FANCM: variants seen among roughly 807,000 people sequenced by gnomAD.
FANCM encodes Fanconi anemia group M protein.
FANCM carries 140 observed loss-of-function variants against 199.5 expected under a neutral mutation model. That is an observed-to-expected ratio of 0.70 (90% CI 0.61 to 0.81). The LOEUF (loss-of-function observed/expected upper bound fraction) is 0.81, where lower values mean the gene tolerates loss of function less well. Among genes scored for constraint, FANCM ranks in the 30% least tolerant of loss-of-function variants. The pLI is 0.00. For synonymous variants in FANCM, 840 were observed against 836.8 expected (o/e 1.00, Z -0.07); for missense variants, 2,410 against 2,421.4 (o/e 1.00, Z 0.10).
intron 9 of FANCM, among the ~76,000 whole-genome samples, chr14:45,160,648 C>T (rs1887537052): frequency 6.7e-6 from 1 of 149,998 alleles, no homozygotes; most frequent in Non-Finnish European, 1.5e-5. Flanking sequence ...GGGTTCACGC[C>T]ATTCTCCTGT....
At chr14:45,156,392 G>A (rs1887192010) in intron 8 of FANCM, among the ~76,000 whole-genome samples, 1 of 152,098 alleles carries the variant, frequency 6.6e-6, no homozygotes, top group South Asian at 2.1e-4. Context: ...CCAAACAGAG[G>A]TATTTGTAGC....
At chr14:45,180,283 A>C (rs1359115327) in intron 14 of FANCM, among the ~76,000 whole-genome samples, 4 of 152,194 alleles carry the variant, frequency 2.6e-5, no homozygotes, top group Non-Finnish European at 4.4e-5. Context: ...GTAATAGTCA[A>C]GACATTGGCC....
At chr14:45,191,650 G>T (rs941196776) in intron 20 of FANCM, among the ~76,000 whole-genome samples, 1 of 152,134 alleles carries the variant, frequency 6.6e-6, no homozygotes, top group Admixed American at 6.6e-5. Flanking sequence ...AGTGGAAAAA[G>T]TTTTAAGTTT....
chr14:45,150,068 A>G (rs1331843662), intron 4 of FANCM, among the ~76,000 whole-genome samples: 1 of 152,240 alleles, frequency 6.6e-6, no homozygotes. Flanking sequence ...AATTAGTGTC[A>G]TGGTTGAACA....
In FANCM at chr14:45,136,106, C is replaced by T. The variant is rs1885469049; in HGVS notation, c.75C>T (p.Cys25=). Residue 25 remains cysteine, a synonymous_variant, in exon 1 of 23, where the codon TGC becomes TGT. Transcript: ENST00000267430. ...SISRSSGTPG[C]SSGTERPQSP... ...CCCGATCATCTGGGACTCCGGGTTG[C>T]AGCTCCGGAACTGAGCGACCTCAGA... is the stretch of plus-strand genomic sequence containing the variant. 6.2e-7 allele frequency: 1 copy of T among 1,614,082 alleles called. No individual in the cohort carries two copies. Among genetic ancestry groups the T allele is most frequent in the Admixed American group, 1.7e-5 (1 of 60,024 alleles).
chr14:45,154,753 A>G lies in FANCM; in HGVS notation c.1240A>G (p.Asn414Asp). ...GRNEDFMKLY[N>D]HLECMFARTR... ...AAATGAAGACTTCATGAAACTCTATAATCATCTAGAGTGTATGTTTGCACG... is the reference window on the plus strand; with the variant it reads ...AAATGAAGACTTCATGAAACTCTATGATCATCTAGAGTGTATGTTTGCACG... Residue 414 changes from asparagine to aspartate, a missense_variant, in exon 7 of 23, where the codon AAT becomes GAT. Physicochemically the swap from Asn to Asp is conservative, Grantham distance 23. Transcript: ENST00000267430. The G allele has an allele frequency of 1.9e-6, 3 of 1,603,434 alleles. No homozygotes were observed. Among genetic ancestry groups the G allele is most frequent in the African/African-American group, 1.3e-5 (1 of 74,902 alleles).
At chr14:45,170,337 G>T (rs1888256586) in intron 11 of FANCM, among the ~76,000 whole-genome samples, 1 of 152,086 alleles carries the variant, frequency 6.6e-6, no homozygotes, top group Non-Finnish European at 1.5e-5. Flanking sequence ...GACCAACCTG[G>T]GCAACATATC....
intron 20 of FANCM, among the ~76,000 whole-genome samples, chr14:45,189,872 G>A (rs949042884): frequency 4.0e-4 from 61 of 151,788 alleles, no homozygotes; most frequent in African/African-American, 1.4e-3. Context: ...GGAGGTTGAG[G>A]TAGGAGAATC....
chr14:45,163,435 C>G (rs978945553), intron 9 of FANCM, among the ~76,000 whole-genome samples: 2 of 152,196 alleles, frequency 1.3e-5, no homozygotes, highest in Admixed American at 1.3e-4. Context: ...TGTACACAAA[C>G]TCACAATGTT....
chr14:45,168,468 A>G (rs1488853908), intron 11 of FANCM, among the ~76,000 whole-genome samples: 2 of 151,598 alleles, frequency 1.3e-5, no homozygotes, highest in Non-Finnish European at 2.9e-5. Context: ...TTTAATAATT[A>G]TTTCTAAAAT....
At chr14:45,166,239 C>G (rs1016198404) in intron 10 of FANCM, among the ~76,000 whole-genome samples, 32 of 151,968 alleles carry the variant, frequency 2.1e-4, no homozygotes, top group African/African-American at 7.5e-4. Flanking sequence ...TCAAGCGATT[C>G]TCCTGTCTCA....
chr14:45,179,653 C>A (rs1415994424), intron 14 of FANCM, among the ~76,000 whole-genome samples: 1 of 151,364 alleles, frequency 6.6e-6, no homozygotes, highest in Non-Finnish European at 1.5e-5. Flanking sequence ...CCTCTGCCTC[C>A]CAGGTTCAAG....
At position 45,176,427 on chromosome 14, in the gene FANCM, A is replaced by C. The variant is rs751089780; in HGVS notation, c.3673A>C (p.Arg1225=). The C allele has an allele frequency of 2.5e-6, 4 of 1,613,100 alleles. No homozygotes were observed. Among genetic ancestry groups the C allele is most frequent in the Middle Eastern group, 3.3e-4 (2 of 6,060 alleles). ...KNHEDIFDCS[R]DLFSVTFDLG... is the part of the protein sequence containing the mutation. The stretch of plus-strand genomic sequence containing the variant: ...TCATGAGGATATTTTTGATTGCTCT[A>C]GGGATTTATTTTCTGTTACCTTTGA... The change falls in exon 14 of 23, where the codon AGG becomes CGG. Residue 1225 remains arginine (R), a synonymous_variant. Transcript: ENST00000267430.
rs1886815609 is a variant in FANCM at position 45,151,503 on chromosome 14, G to A, written c.1025G>A (p.Arg342Lys). ...ATAATTCTGGCAAGAGATCAGTTTA[G>A]GAAAAACCCATCTCCGAATATTGTG... ...YQIILARDQFRKNPSPNIVGI... is the reference protein window; with the variant it reads ...YQIILARDQFKKNPSPNIVGI... The change falls in exon 5 of 23, where the codon AGG (arginine) becomes AAG (lysine). Residue 342 changes from arginine (R) to lysine (K), a missense_variant. Arg to Lys is a conservative substitution (Grantham distance 26). Transcript: ENST00000267430. 1.2e-6 allele frequency: 2 copies of A among 1,612,798 alleles called. No individual in the cohort carries two copies. Among genetic ancestry groups the A allele is most frequent in the East Asian group, 2.2e-5 (1 of 44,834 alleles).
At chr14:45,138,215 G>A (rs1594752955) in intron 2 of FANCM, among the ~76,000 whole-genome samples, 1 of 152,146 alleles carries the variant, frequency 6.6e-6, no homozygotes. Flanking sequence ...ATAGATGGTA[G>A]TTAAAACTAT....
Position 45,140,261 on chromosome 14 carries a change from C to T in FANCM, c.682-371C>T, listed in dbSNP as rs149330203. Among the ~76,000 whole-genome samples the T allele has an allele frequency of 5.9e-5, 9 of 152,020 alleles. No individual in the cohort carries two copies. In the East Asian group the frequency reaches 1.4e-3, roughly 23 times the overall value. On this transcript the variant is annotated intron_variant, in intron 2 of 22. Coordinates refer to ENST00000267430, the MANE Select transcript of FANCM (RefSeq NM_020937.4). ...TTTCTTTTGTAGAGACCAGGTTTCACCATGTTGCCCAGGCTGGTCTTGAAC... is the reference window on the plus strand; with the variant it reads ...TTTCTTTTGTAGAGACCAGGTTTCATCATGTTGCCCAGGCTGGTCTTGAAC...
chr14:45,176,703 A>T lies in FANCM; in HGVS notation c.3949A>T (p.Asn1317Tyr). ...YVHLPLSAAK[N>Y]EELLSPGYSQ... is the part of the protein sequence containing the mutation. ...ACATTTGCCACTGAGTGCAGCAAAAAATGAAGAATTGTTATCTCCTGGTTA... is the reference window on the plus strand; with the variant it reads ...ACATTTGCCACTGAGTGCAGCAAAATATGAAGAATTGTTATCTCCTGGTTA... The change falls in exon 14 of 23, where the codon AAT (asparagine) becomes TAT (tyrosine). Residue 1317 changes from asparagine to tyrosine, a missense_variant. Coordinates refer to ENST00000267430, the MANE Select transcript of FANCM (RefSeq NM_020937.4). The T allele has an allele frequency of 6.2e-7, 1 of 1,613,770 alleles. No homozygotes were observed. Among genetic ancestry groups the T allele is most frequent in the Non-Finnish European group, 8.5e-7 (1 of 1,179,832 alleles).
chr14:45,180,795 A>G (rs1184850984), intron 14 of FANCM: 1 of 152,702 alleles, frequency 6.5e-6, no homozygotes, highest in African/African-American at 2.4e-5. Flanking sequence ...CAAGAGAGAA[A>G]GCAAAAATGA....
chr14:45,198,802 A>G lies in FANCM; in HGVS notation c.5875A>G (p.Ile1959Val). 1 of 1,614,050 alleles carries G rather than the reference A, an allele frequency of 6.2e-7. No individual in the cohort carries two copies. The highest frequency in any genetic ancestry group is 8.5e-7 in the Non-Finnish European group (1 of 1,179,946). The change falls in exon 22 of 23, where the codon ATT becomes GTT. Residue 1959 changes from isoleucine to valine, a missense_variant. By Grantham distance (29) the Ile-to-Val change is conservative. Transcript: ENST00000267430. ...SLVEQRKNVG[I>V]HVPTVVNSNK... Reference sequence around the variant, plus strand: ...AGTGGAACAAAGAAAGAATGTTGGTATTCATGTTCCAACAGTGGTGAATAG... The same window carrying G: ...AGTGGAACAAAGAAAGAATGTTGGTGTTCATGTTCCAACAGTGGTGAATAG...
Sources: allele counts gnomAD v4.1 joint callset (sites outside exome capture counted in the v4.1 genomes callset), GRCh38; gene constraint gnomAD v4.1.1; transcripts MANE v1.5; gene names NCBI Gene and HGNC (gene_info 2026-07-23, HGNC 2026-07-21).